BRD4: variants seen among roughly 807,000 people sequenced by gnomAD.
The protein encoded by BRD4 is bromodomain containing 4.
BRD4 carries 16 observed loss-of-function variants against 142.1 expected under a neutral mutation model. That is an observed-to-expected ratio of 0.11 (90% CI 0.08 to 0.17). BRD4 has a LOEUF of 0.17. Ranked by LOEUF, BRD4 falls within the 10% of genes least tolerant of loss-of-function variation. The probability of loss-of-function intolerance (pLI) is 1.00; values close to 1 mark genes in which losing one functional copy is unlikely to be tolerated. For missense variants in BRD4, 1,424 were observed against 1,810.9 expected (o/e 0.79, Z 3.88); for synonymous variants, 833 against 707.5 (o/e 1.18, Z -2.82).
intron 1 of BRD4, among the ~76,000 whole-genome samples, chr19:15,276,498 ACTCTCT>A (rs141468815): frequency 6.2e-5 from 9 of 145,504 alleles, no homozygotes; most frequent in East Asian, 2.0e-4. Flanking sequence ...AGGCTCACAG[ACTCTCT>A]CTCTCTCTCT....
chr19:15,305,814 T>C (rs2047909208), intron 1 of BRD4, among the ~76,000 whole-genome samples: 1 of 152,226 alleles, frequency 6.6e-6, no homozygotes, highest in Non-Finnish European at 1.5e-5. Context: ...CAATAAACTA[T>C]TTTGTCTACA....
chr19:15,256,882 G>C, intron 8 of BRD4, 82 bp downstream of exon 8: 1 of 1,296,092 alleles, frequency 7.7e-7, no homozygotes, highest in Non-Finnish European at 1.0e-6. Flanking sequence ...TCAGAACCAA[G>C]AACATCTCTT....
intron 7 of BRD4, among the ~76,000 whole-genome samples, chr19:15,259,018 T>G (rs2047441552): frequency 1.3e-5 from 2 of 151,662 alleles, no homozygotes; most frequent in Admixed American, 6.6e-5. Context: ...GAGGAAAAGG[T>G]GGGGGGCTTC....
At chr19:15,248,278 C>T (rs1474316385) in intron 11 of BRD4, 1 of 216,622 alleles carries the variant, frequency 4.6e-6, no homozygotes, top group Non-Finnish European at 9.3e-6. Flanking sequence ...CCTGCCCCAA[C>T]CCCAGGGGCT....
intron 1 of BRD4, among the ~76,000 whole-genome samples, chr19:15,275,399 G>A (rs2047635501): frequency 6.6e-6 from 1 of 152,196 alleles, no homozygotes; most frequent in Non-Finnish European, 1.5e-5. Flanking sequence ...ACCTGACCCA[G>A]GAGTGGAAAC....
At chr19:15,251,452 G>GGGGGGGGGGT (rs2047344982) in intron 11 of BRD4, among the ~76,000 whole-genome samples, 1 of 102,756 alleles carries the variant, frequency 9.7e-6, no homozygotes. Flanking sequence ...GGGGGGGGGG[G>GGGGGGGGGGT]GGGCGGGGGC....
chr19:15,317,353 C>T (rs1332485392), intron 1 of BRD4, among the ~76,000 whole-genome samples: 1 of 152,150 alleles, frequency 6.6e-6, no homozygotes, highest in African/African-American at 2.4e-5. Context: ...GTGAAGTGAC[C>T]AAGTCTGCAG....
chr19:15,261,061 T>C (rs966599380), intron 7 of BRD4, among the ~76,000 whole-genome samples: 2 of 152,256 alleles, frequency 1.3e-5, no homozygotes, highest in Non-Finnish European at 2.9e-5. Flanking sequence ...GGTATCAATG[T>C]GAGCAGTGTG....
chr19:15,274,249 T>A (rs986407297), intron 1 of BRD4, among the ~76,000 whole-genome samples: 1 of 152,126 alleles, frequency 6.6e-6, no homozygotes, highest in Non-Finnish European at 1.5e-5. Context: ...AAGGACAGCA[T>A]CACAGACAAG....
At chr19:15,322,204 C>CCCTTTTCT (rs1284343329) in intron 1 of BRD4, among the ~76,000 whole-genome samples, 1 of 152,154 alleles carries the variant, frequency 6.6e-6, no homozygotes, top group African/African-American at 2.4e-5. Context: ...TCTGACATTT[C>CCCTTTTCT]CCTTTTCTCC....
chr19:15,256,593 C>T (rs571500637), intron 8 of BRD4, among the ~76,000 whole-genome samples: 4 of 152,290 alleles, frequency 2.6e-5, no homozygotes, highest in South Asian at 2.1e-4. Context: ...TAAGAGCACA[C>T]GGACACGTCA....
chr19:15,317,556 CAG>C (rs1191992593), intron 1 of BRD4, among the ~76,000 whole-genome samples: 1 of 151,788 alleles, frequency 6.6e-6, no homozygotes, highest in African/African-American at 2.4e-5. Flanking sequence ...CTGAACTTTT[CAG>C]AGTCAACAAA....
intron 2 of BRD4, among the ~76,000 whole-genome samples, chr19:15,270,136 C>T (rs1025053177): frequency 6.6e-6 from 1 of 152,172 alleles, no homozygotes; most frequent in Non-Finnish European, 1.5e-5. Context: ...CAAGTGGAGT[C>T]CCACGGTAGA....
chr19:15,296,463 C>A (rs572573890), intron 1 of BRD4, among the ~76,000 whole-genome samples: 1 of 152,262 alleles, frequency 6.6e-6, no homozygotes, highest in Admixed American at 6.5e-5. Flanking sequence ...CGCAGGTTGA[C>A]AGGCCTCAAT....
intron 1 of BRD4, among the ~76,000 whole-genome samples, chr19:15,275,398 A>C (rs2047635475): frequency 6.6e-6 from 1 of 152,230 alleles, no homozygotes; most frequent in Non-Finnish European, 1.5e-5. Context: ...TACCTGACCC[A>C]GGAGTGGAAA....
intron 1 of BRD4, among the ~76,000 whole-genome samples, chr19:15,317,859 A>T (rs1247613266): frequency 6.6e-6 from 1 of 152,248 alleles, no homozygotes; most frequent in African/African-American, 2.4e-5. Flanking sequence ...CTGAGCTATT[A>T]TTTTGAAAAA....
intron 2 of BRD4, among the ~76,000 whole-genome samples, chr19:15,271,710 A>G (rs760479365): frequency 6.6e-6 from 1 of 152,216 alleles, no homozygotes; most frequent in Non-Finnish European, 1.5e-5. Flanking sequence ...ATCTTGGTCA[A>G]TGGAGAGCGT....
chr19:15,254,065 C>T, intron 11 of BRD4, 87 bp downstream of exon 11: 1 of 1,144,476 alleles, frequency 8.7e-7, no homozygotes, highest in Non-Finnish European at 1.3e-6. Context: ...CGTCTCTGGG[C>T]TCTAGCATCC....
At position 15,255,315 on chromosome 19, in the gene BRD4, T is replaced by G; in HGVS notation, c.2029A>C (p.Lys677Gln). The G allele has an allele frequency of 6.2e-7, 1 of 1,612,904 alleles. No homozygotes were observed. The highest frequency in any genetic ancestry group is 8.5e-7 in the Non-Finnish European group (1 of 1,179,022). Residue 677 changes from lysine (K) to glutamine (Q), a missense_variant, in exon 10 of 20, where the codon AAG becomes CAG. Physicochemically the swap from Lys to Gln is moderately conservative, Grantham distance 53. Around this residue, in one of 16 missense-constraint regions of BRD4, gnomAD observed 46 missense variants for 110.4 expected, o/e 0.42. Transcript: ENST00000679869. Reference sequence around the variant, plus strand: ...AGCACACCTTGAGGTTTCCTTTTCTTCCGCAAACAGGAGGTGACATAGCGC... The same window carrying G: ...AGCACACCTTGAGGTTTCCTTTTCTGCCGCAAACAGGAGGTGACATAGCGC... ...LERYVTSCLR[K>Q]KRKPQAEKVD...
Sources: allele counts gnomAD v4.1 joint callset (sites outside exome capture counted in the v4.1 genomes callset), GRCh38; gene constraint gnomAD v4.1.1; regional missense constraint gnomAD v4.1.1; transcripts MANE v1.5; gene names NCBI Gene and HGNC (gene_info 2026-07-23, HGNC 2026-07-21).